The following PLXDC1 variants were observed in gnomAD, a reference collection of about 807,000 sequenced individuals.
The protein encoded by PLXDC1 is plexin domain-containing protein 1.
In PLXDC1, 39 loss-of-function variants were observed where a neutral mutation model predicts 61.3. That is an observed-to-expected ratio of 0.64 (90% CI 0.49 to 0.83). The LOEUF is 0.83. Ranked by LOEUF, PLXDC1 falls within the 40% of genes least tolerant of loss-of-function variation. The pLI is 0.00. For missense variants in PLXDC1, 596 were observed against 666.5 expected (o/e 0.89, Z 1.17); for synonymous variants, 212 against 254.5 (o/e 0.83, Z 1.59).
Position 39,120,727 on chromosome 17 carries a change from G to C in PLXDC1, c.256-11336C>G, listed in dbSNP as rs543580053. Among the ~76,000 whole-genome samples, 6 of 149,908 alleles carry C rather than the reference G, an allele frequency of 4.0e-5. No homozygotes were observed. The East Asian group carries it at 1.2e-3, about 29-fold the overall frequency. On this transcript the variant is annotated intron_variant, in intron 2 of 13. Transcript: ENST00000315392. ...CCGCCTCAGCCTCTTGAGTAGCTGG[G>C]ATCACAGGCATATGCCACCACACCC...
rs112849761 is a variant in PLXDC1 at position 39,106,181 on chromosome 17, G to A, written c.712-228C>T. On this transcript the variant is annotated intron_variant, in intron 6 of 13. Coordinates refer to ENST00000315392, the MANE Select transcript of PLXDC1 (RefSeq NM_020405.5). ...CGGTGAATGGCACTCCATGCAGGCC[G>A]GAAACCCGGGACATACCCTTTTCCC... Among the ~76,000 whole-genome samples the A allele has an allele frequency of 5.3e-5, 8 of 152,114 alleles. 1 individual carries two copies. In the South Asian group the frequency reaches 1.5e-3, roughly 28 times the overall value.
At chr17:39,096,937 T>A (rs1375645841) in intron 7 of PLXDC1, 3 of 471,336 alleles carry the variant, frequency 6.4e-6, no homozygotes, top group Non-Finnish European at 1.3e-5. Context: ...TGACTTTTCT[T>A]TTCACCAAAG....
At chr17:39,112,442 T>C (rs779072418) in intron 2 of PLXDC1, among the ~76,000 whole-genome samples, 2 of 145,032 alleles carry the variant, frequency 1.4e-5, no homozygotes, top group Non-Finnish European at 3.0e-5. Context: ...ATTCAGCCCA[T>C]CTTTTTTTTT....
chr17:39,076,633 A>G (rs180861596), intron 11 of PLXDC1, among the ~76,000 whole-genome samples: 2 of 151,416 alleles, frequency 1.3e-5, no homozygotes, highest in African/African-American at 4.9e-5. Context: ...TTTCAAGCAG[A>G]TATTTGGTTC....
intron 13 of PLXDC1, among the ~76,000 whole-genome samples, chr17:39,068,651 T>G (rs963070162): frequency 1.3e-5 from 2 of 152,224 alleles, no homozygotes; most frequent in African/African-American, 4.8e-5. Flanking sequence ...TACTCCAGCC[T>G]AGGCGACAGA....
chr17:39,126,249 C>T (rs968687917), intron 2 of PLXDC1, among the ~76,000 whole-genome samples: 3 of 151,818 alleles, frequency 2.0e-5, no homozygotes, highest in Non-Finnish European at 2.9e-5. Context: ...AGTGAAACTC[C>T]GTCTCAAACA....
intron 13 of PLXDC1, among the ~76,000 whole-genome samples, chr17:39,068,658 CA>C (rs2143203356): frequency 6.6e-6 from 1 of 152,318 alleles, no homozygotes; most frequent in South Asian, 2.1e-4. Flanking sequence ...GCCTAGGCGA[CA>C]GAGTGAGACT....
intron 1 of PLXDC1, among the ~76,000 whole-genome samples, chr17:39,140,979 G>T (rs8081167): frequency 0.023 from 3,567 of 152,124 alleles, 125 homozygotes; most frequent in African/African-American, 0.077. Flanking sequence ...TTTTCACCTT[G>T]TAAAACTAAA....
intron 8 of PLXDC1, among the ~76,000 whole-genome samples, chr17:39,084,911 G>C (rs1386237099): frequency 6.6e-6 from 1 of 152,192 alleles, no homozygotes. Flanking sequence ...GATGACCTCT[G>C]AGCGGCAAGT....
intron 11 of PLXDC1, among the ~76,000 whole-genome samples, chr17:39,077,697 A>G (rs984594462): frequency 3.9e-5 from 6 of 152,202 alleles, no homozygotes; most frequent in African/African-American, 1.4e-4. Flanking sequence ...CAGTGGTTAG[A>G]GCCCAGGAGT....
chr17:39,122,448 T>C (rs1354531545), intron 2 of PLXDC1, among the ~76,000 whole-genome samples: 1 of 148,778 alleles, frequency 6.7e-6, no homozygotes, highest in Non-Finnish European at 1.5e-5. Context: ...GCAGATGTGA[T>C]GGTGGGAGCT....
intron 2 of PLXDC1, among the ~76,000 whole-genome samples, chr17:39,126,059 G>C (rs1458964374): frequency 6.6e-6 from 1 of 152,166 alleles, no homozygotes; most frequent in African/African-American, 2.4e-5. Flanking sequence ...TTCGAGACCA[G>C]CCTGGCCAAC....
intron 7 of PLXDC1, among the ~76,000 whole-genome samples, chr17:39,098,520 A>G (rs1227051292): frequency 1.4e-4 from 21 of 152,204 alleles, no homozygotes; most frequent in Non-Finnish European, 7.3e-5. Flanking sequence ...GCTGGGGGCC[A>G]TAGAGAGCCC....
At chr17:39,106,877 C>T (rs1910613561) in intron 6 of PLXDC1, among the ~76,000 whole-genome samples, 2 of 151,754 alleles carry the variant, frequency 1.3e-5, no homozygotes, top group Admixed American at 6.6e-5. Flanking sequence ...GTCTCGAACT[C>T]CTGAGCTCTG....
At chr17:39,131,244 T>TGC (rs1911549294) in intron 2 of PLXDC1, among the ~76,000 whole-genome samples, 1 of 152,154 alleles carries the variant, frequency 6.6e-6, no homozygotes, top group African/African-American at 2.4e-5. Context: ...AGGACCAAGA[T>TGC]CGAGGGCCAG....
chr17:39,145,289 G>A (rs1359013663), intron 1 of PLXDC1, among the ~76,000 whole-genome samples: 3 of 152,242 alleles, frequency 2.0e-5, no homozygotes, highest in South Asian at 2.1e-4. Flanking sequence ...CAGCAGTAGC[G>A]TCCCAGTCCC....
intron 1 of PLXDC1, among the ~76,000 whole-genome samples, chr17:39,147,790 C>G (rs773523872): frequency 7.2e-5 from 11 of 152,214 alleles, no homozygotes; most frequent in Non-Finnish European, 1.0e-4. Context: ...CAGTCACTCA[C>G]TCATTCATTC....
chr17:39,098,438 CCA>C (rs1910301923), intron 7 of PLXDC1, among the ~76,000 whole-genome samples: 1 of 152,066 alleles, frequency 6.6e-6, no homozygotes, highest in African/African-American at 2.4e-5. Flanking sequence ...TGCCCTAACC[CCA>C]GCAACTAGGT....
At chr17:39,134,620 T>C (rs796684793) in intron 2 of PLXDC1, among the ~76,000 whole-genome samples, 1 of 144,672 alleles carries the variant, frequency 6.9e-6, no homozygotes, top group African/African-American at 2.7e-5. Context: ...AGCAAGACTT[T>C]GTCTCTAAAA....
Sources: gnomAD v4.1 joint callset for allele counts (sites outside exome capture counted in the v4.1 genomes callset) on GRCh38, gnomAD v4.1.1 for gene constraint, MANE v1.5 for transcripts, NCBI Gene and HGNC (gene_info 2026-07-23, HGNC 2026-07-21) for gene names.